SNX29: variants seen among roughly 807,000 people sequenced by gnomAD.
SNX29 encodes sorting nexin 29.
A neutral mutation model predicts 102.1 loss-of-function variants in SNX29; 78 were observed. The observed-to-expected ratio is 0.76, with a 90% CI of 0.64 to 0.92. SNX29 has a LOEUF of 0.92. Among genes scored for constraint, SNX29 ranks in the 40% least tolerant of loss-of-function variants. SNX29 has a pLI of 0.00. For missense variants in SNX29, 1,280 were observed against 1,061.7 expected (o/e 1.21, Z -2.86); for synonymous variants, 580 against 414.5 (o/e 1.40, Z -4.85).
intron 19 of SNX29, among the ~76,000 whole-genome samples, chr16:12,491,854 C>T (rs1305284810): frequency 3.3e-5 from 5 of 152,136 alleles, no homozygotes; most frequent in Admixed American, 2.0e-4. Context: ...ACAAAGGACA[C>T]GAACTCATCA....
chr16:12,248,332 T>A (rs995937055), intron 14 of SNX29, among the ~76,000 whole-genome samples: 1 of 151,912 alleles, frequency 6.6e-6, no homozygotes, highest in Non-Finnish European at 1.5e-5. Context: ...TTCCCCTGTT[T>A]CCTGGAGTTC....
chr16:12,317,682 T>A (rs914700044), intron 15 of SNX29, among the ~76,000 whole-genome samples: 1 of 152,252 alleles, frequency 6.6e-6, no homozygotes, highest in African/African-American at 2.4e-5. Context: ...TAAGTGTGTC[T>A]TATGCACCGT....
intron 15 of SNX29, among the ~76,000 whole-genome samples, chr16:12,312,271 G>A (rs1041336981): frequency 1.3e-5 from 2 of 152,202 alleles, no homozygotes; most frequent in Non-Finnish European, 2.9e-5. Context: ...ATCTAGCACA[G>A]CACTTGCTGC....
At chr16:12,416,797 C>A (rs556348841) in intron 18 of SNX29, among the ~76,000 whole-genome samples, 4 of 152,264 alleles carry the variant, frequency 2.6e-5, no homozygotes, top group Non-Finnish European at 4.4e-5. Context: ...ACTAACAGAA[C>A]AAGAAGTCAC....
intron 14 of SNX29, among the ~76,000 whole-genome samples, chr16:12,211,922 G>T (rs1489027493): frequency 6.6e-6 from 1 of 152,072 alleles, no homozygotes; most frequent in Non-Finnish European, 1.5e-5. Flanking sequence ...GAAATATCTG[G>T]GTACTGTGAC....
At chr16:12,417,496 C>T (rs898106884) in intron 18 of SNX29, among the ~76,000 whole-genome samples, 1 of 152,122 alleles carries the variant, frequency 6.6e-6, no homozygotes, top group Non-Finnish European at 1.5e-5. Context: ...CCTTTCCTTC[C>T]TTCTCTTTGC....
intron 4 of SNX29, among the ~76,000 whole-genome samples, chr16:12,035,997 C>T (rs192867992): frequency 3.3e-5 from 5 of 152,272 alleles, no homozygotes; most frequent in Non-Finnish European, 7.3e-5. Flanking sequence ...CTGACATAGC[C>T]TTTGTATCTA....
chr16:12,567,044 G>A (rs1393431739), intron 20 of SNX29, among the ~76,000 whole-genome samples: 2 of 152,276 alleles, frequency 1.3e-5, no homozygotes, highest in Non-Finnish European at 2.9e-5. Context: ...TGAGATACAT[G>A]AAGATGCTAG....
intron 15 of SNX29, among the ~76,000 whole-genome samples, chr16:12,282,695 G>T (rs542266098): frequency 1.3e-5 from 2 of 152,130 alleles, no homozygotes; most frequent in East Asian, 3.9e-4. Context: ...TGCTCTTTTT[G>T]CCCGGGCTGG....
intron 16 of SNX29, among the ~76,000 whole-genome samples, chr16:12,366,051 A>AAT (rs2082468294): frequency 8.0e-6 from 1 of 124,466 alleles, no homozygotes; most frequent in South Asian, 2.6e-4. Context: ...TCAAAAAAAA[A>AAT]AAAAAAAAAA....
intron 11 of SNX29, among the ~76,000 whole-genome samples, chr16:12,099,432 G>T (rs1373189108): frequency 6.6e-6 from 1 of 152,226 alleles, no homozygotes; most frequent in Non-Finnish European, 1.5e-5. Flanking sequence ...GGAAGGGCCA[G>T]TGAGTTGGTG....
chr16:12,191,857 C>T (rs1567295835), intron 13 of SNX29, among the ~76,000 whole-genome samples: 1 of 152,202 alleles, frequency 6.6e-6, no homozygotes, highest in Non-Finnish European at 1.5e-5. Flanking sequence ...TCCTCATGGT[C>T]TTGGATAGCC....
At position 12,096,410 on chromosome 16, in the gene SNX29, A is replaced by G. The variant is rs1374688131; in HGVS notation, c.1402+17495A>G. On this transcript the variant is annotated intron_variant, in intron 11 of 20. Transcript: ENST00000566228. This position sits in a 1 kb window ranked among gnomAD's most constrained non-coding sequence, Gnocchi z 4.2. ...AGGTGGGGATCCAGCTTGGCCATGCACAAGCTCTGTGTCACATGTTAAAAT... is the reference window on the plus strand; with the variant it reads ...AGGTGGGGATCCAGCTTGGCCATGCGCAAGCTCTGTGTCACATGTTAAAAT... 6.6e-6 allele frequency among the ~76,000 whole-genome samples: 1 copy of G among 152,352 alleles called. No individual in the cohort carries two copies. Among genetic ancestry groups the G allele is most frequent in the South Asian group, 2.1e-4 (1 of 4,822 alleles).
At position 12,024,493 on chromosome 16, in the gene SNX29, G is replaced by T. The variant is rs531458470; in HGVS notation, c.123-2827G>T. ...TAGATACGTGCTCAGATCCAAACTG[G>T]AGGTGGAAAGGGCATATGGGGAGGG... On this transcript the variant is annotated intron_variant, in intron 3 of 20. Transcript: ENST00000566228. Among the ~76,000 whole-genome samples the T allele has an allele frequency of 2.0e-5, 3 of 152,272 alleles. No individual in the cohort carries two copies. In the South Asian group the frequency reaches 6.2e-4, roughly 32 times the overall value.
intron 9 of SNX29, among the ~76,000 whole-genome samples, chr16:12,067,461 A>G (rs552600756): frequency 2.0e-5 from 3 of 152,222 alleles, no homozygotes; most frequent in Non-Finnish European, 4.4e-5. Flanking sequence ...GGCTGGTTCC[A>G]TAGTGGTCAT....
intron 14 of SNX29, among the ~76,000 whole-genome samples, chr16:12,216,174 A>G (rs1189259741): frequency 6.6e-6 from 1 of 152,250 alleles, no homozygotes; most frequent in Non-Finnish European, 1.5e-5. Context: ...AAGAAGATAG[A>G]CACAAGAGAA....
Position 12,180,564 on chromosome 16 carries a change from A to G in SNX29, c.1596-19037A>G, listed in dbSNP as rs187134075. Among the ~76,000 whole-genome samples the G allele has an allele frequency of 6.7e-3, 1,022 of 152,048 alleles. 14 individuals carry two copies. The highest frequency in any genetic ancestry group is 0.023 in the African/African-American group (965 of 41,464). On this transcript the variant is annotated intron_variant, in intron 13 of 20. Coordinates refer to ENST00000566228, the MANE Select transcript of SNX29 (RefSeq NM_032167.5). ...AGTGGCGCGATCTCGGCTCACTGCA[A>G]GCTACGCCTCCCGGGTTCACGCCAT... is the stretch of plus-strand genomic sequence containing the variant.
intron 20 of SNX29, among the ~76,000 whole-genome samples, chr16:12,551,394 G>A (rs1286356914): frequency 2.6e-5 from 4 of 152,186 alleles, no homozygotes; most frequent in South Asian, 2.1e-4. Flanking sequence ...CAGTAGGATT[G>A]CTTTCAAGTT....
intron 14 of SNX29, among the ~76,000 whole-genome samples, chr16:12,270,069 C>A (rs367675274): frequency 6.6e-5 from 10 of 152,192 alleles, no homozygotes; most frequent in African/African-American, 2.4e-4. Context: ...CCATGTTGGC[C>A]AGGCTGGTCT....
Sources: gnomAD v4.1 joint callset for allele counts (sites outside exome capture counted in the v4.1 genomes callset) on GRCh38, gnomAD v4.1.1 for gene constraint, Gnocchi (gnomAD v3.1) non-coding constraint, MANE v1.5 for transcripts, NCBI Gene and HGNC (gene_info 2026-07-23, HGNC 2026-07-21) for gene names.